HOXC4: variants seen among roughly 807,000 people sequenced by gnomAD.
HOXC4 encodes the protein homeobox protein Hox-C4.
Under a neutral mutation model 25.5 loss-of-function variants are expected in HOXC4, and 15 were observed. That is an observed-to-expected ratio of 0.59 (90% confidence interval 0.39 to 0.91). HOXC4 has a LOEUF of 0.91. Among genes scored for constraint, HOXC4 ranks in the 40% least tolerant of loss-of-function variants. The probability of loss-of-function intolerance (pLI) is 0.00; values close to 1 mark genes in which losing one functional copy is unlikely to be tolerated. For missense variants in HOXC4, 342 were observed against 352.4 expected (o/e 0.97, Z 0.24); for synonymous variants, 165 against 148.0 (o/e 1.11, Z -0.83).
Position 54,028,565 on chromosome 12 carries a change from C to T in HOXC4, c.-124+11151C>T, listed in dbSNP as rs746978633. 34 of 1,614,168 alleles carry T rather than the reference C, an allele frequency of 2.1e-5. No individual in the cohort carries two copies. Among genetic ancestry groups the T allele is most frequent in the Non-Finnish European group, 2.8e-5 (33 of 1,180,038 alleles). The stretch of plus-strand genomic sequence containing the variant: ...AACCCTTCCTTATCCTGCCACCTCG[C>T]CGGGGGCCAGGACGTCCTCCCCAAC... On this transcript the variant is annotated intron_variant, in intron 1 of 3. Transcript: ENST00000303406.
intron 1 of HOXC4, among the ~76,000 whole-genome samples, chr12:54,026,976 G>GGA (rs1555185064): frequency 0.025 from 3,568 of 143,174 alleles, 64 homozygotes; most frequent in East Asian, 0.037. Flanking sequence ...GGGGGGGGGG[G>GGA]ATATGAGCTT....
intron 1 of HOXC4, among the ~76,000 whole-genome samples, chr12:54,045,131 C>G (rs751656401): frequency 3.9e-5 from 6 of 152,264 alleles, no homozygotes; most frequent in African/African-American, 7.2e-5. Context: ...CCCAAACCCA[C>G]AAGCACTAGA....
intron 1 of HOXC4, among the ~76,000 whole-genome samples, chr12:54,027,857 T>C (rs957309096): frequency 7.9e-5 from 12 of 152,196 alleles, no homozygotes; most frequent in African/African-American, 2.9e-4. Flanking sequence ...AGCCACACTC[T>C]ACTTACTCAG....
At chr12:54,028,246 C>CATAGAT (rs1940807676) in intron 1 of HOXC4, 1 of 148,990 alleles carries the variant, frequency 6.7e-6, no homozygotes, top group Non-Finnish European at 1.4e-5. Flanking sequence ...AGTTCCCTTA[C>CATAGAT]ATATATATAT....
intron 1 of HOXC4, among the ~76,000 whole-genome samples, chr12:54,032,340 C>T (rs1422180157): frequency 1.3e-5 from 2 of 152,230 alleles, no homozygotes; most frequent in East Asian, 3.9e-4. Context: ...GTCCTGTCTA[C>T]CTCTTCAGAA....
intron 1 of HOXC4, among the ~76,000 whole-genome samples, chr12:54,041,982 T>TC (rs1941282647): frequency 7.1e-6 from 1 of 140,092 alleles, no homozygotes; most frequent in Non-Finnish European, 1.5e-5. Context: ...CTTTTCTTTT[T>TC]TTTTTTTTTT....
At chr12:54,049,249 A>G (rs1180819245), upstream of HOXC4, among the ~76,000 whole-genome samples, 13 of 152,356 alleles carry the variant, frequency 8.5e-5, no homozygotes. Flanking sequence ...TCTAAAGGCC[A>G]TTTGCGAAGA....
At chr12:54,019,094 T>C (rs1940303490) in intron 1 of HOXC4, among the ~76,000 whole-genome samples, 1 of 96,324 alleles carries the variant, frequency 1.0e-5, no homozygotes, top group Admixed American at 1.4e-4. Flanking sequence ...CTGCCCCCGC[T>C]AAATTCCCCT....
rs373818751 is a variant in HOXC4 at position 54,039,507 on chromosome 12, C to T, written c.-123-13653C>T. 2.3e-3 allele frequency among the ~76,000 whole-genome samples: 348 copies of T among 152,154 alleles called. 1 individual carries two copies. The highest frequency in any genetic ancestry group is 8.1e-3 in the African/African-American group (335 of 41,476). On this transcript the variant is annotated intron_variant, in intron 1 of 3. Coordinates refer to the HOXC4 transcript ENST00000303406. ...CAGGGCCTCAGTCTCGGCCAAGATT[C>T]AGCCTCCCCCACCCTCCTCCCTGAT...
At chr12:54,041,594 A>C (rs561123012) in intron 1 of HOXC4, among the ~76,000 whole-genome samples, 1 of 152,348 alleles carries the variant, frequency 6.6e-6, no homozygotes, top group African/African-American at 2.4e-5. Context: ...GGTGGGAAGG[A>C]TAAGGATGAG....
Position 54,054,859 on chromosome 12 carries a change from A to T in HOXC4, c.449A>T (p.Asn150Ile). 1 of 1,604,838 alleles carries T rather than the reference A, an allele frequency of 6.2e-7. No homozygotes were observed. The highest frequency in any genetic ancestry group is 1.1e-5 in the South Asian group (1 of 90,730). ...KKIHVSTVNP[N>I]YNGGEPKRSR... ...TTTCCCCTCCCCCCAGTGAACCCCA[A>T]TTATAACGGAGGGGAACCCAAGCGC... Residue 150 changes from asparagine (N) to isoleucine (I), a missense_variant, in exon 2 of 2, where the codon AAT becomes ATT. Physicochemically the swap from Asn to Ile is moderately radical, Grantham distance 149 (BLOSUM62 -3). Coordinates refer to ENST00000430889, the MANE Select transcript of HOXC4 (RefSeq NM_153633.3).
upstream of HOXC4, among the ~76,000 whole-genome samples, chr12:54,051,809 C>T (rs1038813705): frequency 1.5e-4 from 23 of 152,204 alleles, no homozygotes; most frequent in Non-Finnish European, 2.9e-4. Flanking sequence ...CGGGAATCCG[C>T]ACCCTTTGGG....
intron 1 of HOXC4, among the ~76,000 whole-genome samples, chr12:54,044,346 T>TC (rs377238113): frequency 2.6e-5 from 4 of 152,262 alleles, no homozygotes; most frequent in Middle Eastern, 3.4e-3. Flanking sequence ...GATTTTTTTT[T>TC]CCCTCAAAGT....
chr12:54,028,817 C>G (rs1440055649), intron 1 of HOXC4: 18 of 1,614,212 alleles, frequency 1.1e-5, no homozygotes, highest in Non-Finnish European at 1.5e-5. Flanking sequence ...ACACAGACCT[C>G]AATCGCTCAG....
intron 1 of HOXC4, chr12:54,030,778 C>G (rs1461490047): frequency 6.6e-6 from 1 of 152,494 alleles, no homozygotes; most frequent in Non-Finnish European, 1.5e-5. Context: ...ACCTCTGGGT[C>G]CGTTCTCGAA....
intron 1 of HOXC4, among the ~76,000 whole-genome samples, chr12:54,018,846 C>T (rs954184980): frequency 2.6e-5 from 4 of 152,188 alleles, no homozygotes; most frequent in African/African-American, 7.2e-5. Context: ...CCTCTACCCC[C>T]ACCCTCTCCC....
At chr12:54,053,062 C>T (rs1235169051), upstream of HOXC4, 2 of 152,544 alleles carry the variant, frequency 1.3e-5, no homozygotes, top group African/African-American at 4.8e-5. Context: ...AGAAGAGATC[C>T]TCTGCTCTGG....
At position 54,054,470 on chromosome 12, in the gene HOXC4, C is replaced by T; in HGVS notation, c.439+109C>T. The T allele has an allele frequency of 4.2e-6, 3 of 713,384 alleles. No homozygotes were observed. In the East Asian group the frequency reaches 8.2e-5, roughly 19 times the overall value. The allele number at this position is 713,384 out of a possible 1,614,324, so 44.2% of individuals were successfully genotyped here. A position where few individuals can be genotyped will look rare whatever the true frequency, so the allele number is the denominator to read the frequency against. ...TCCTCCTTTCTCTCCTTCCCCCTCT[C>T]TCTCCAGGAGCGACTCTGGGTTAGC... On this transcript the variant is annotated intron_variant, in intron 1 of 1. Transcript: ENST00000430889.
chr12:54,054,832 C>A lies in HOXC4; in HGVS notation c.440-18C>A. ...TGCTGCCTCTGAACCCCACTATTTG[C>A]TTTTCCCCTCCCCCCAGTGAACCCC... On this transcript the variant is annotated intron_variant, in intron 1 of 1. Transcript: ENST00000430889. The A allele has an allele frequency of 6.4e-7, 1 of 1,569,338 alleles. No homozygotes were observed. The highest frequency in any genetic ancestry group is 8.7e-7 in the Non-Finnish European group (1 of 1,146,026).
Sources: gnomAD v4.1 joint callset for allele counts (sites outside exome capture counted in the v4.1 genomes callset) on GRCh38, gnomAD v4.1.1 for gene constraint, MANE v1.5 for transcripts, NCBI Gene and HGNC (gene_info 2026-07-23, HGNC 2026-07-21) for gene names.